The following CRISPLD2 variants were observed in gnomAD, a reference collection of about 807,000 sequenced individuals.
The protein encoded by CRISPLD2 is cysteine rich secretory protein LCCL domain containing 2.
Under a neutral mutation model 71.1 loss-of-function variants are expected in CRISPLD2, and 47 were observed. The observed-to-expected ratio is 0.66, with a 90% CI of 0.52 to 0.84. The LOEUF is 0.84. Among genes scored for constraint, CRISPLD2 ranks in the 40% least tolerant of loss-of-function variants. The pLI, the probability that CRISPLD2 is intolerant of heterozygous loss-of-function variation, is 0.00. For missense variants in CRISPLD2, 830 were observed against 651.1 expected (o/e 1.27, Z -2.99); for synonymous variants, 317 against 250.1 (o/e 1.27, Z -2.52).
chr16:84,882,378 A>G (rs2071576615), intron 13 of CRISPLD2, among the ~76,000 whole-genome samples: 1 of 147,764 alleles, frequency 6.8e-6, no homozygotes, highest in Admixed American at 6.8e-5. Flanking sequence ...AAAAGCAAGA[A>G]CTTAATGGAT....
chr16:84,860,319 C>T (rs1351010832), intron 6 of CRISPLD2, among the ~76,000 whole-genome samples: 1 of 152,154 alleles, frequency 6.6e-6, no homozygotes, highest in Non-Finnish European at 1.5e-5. Context: ...TATCCTACAC[C>T]CTTAATATCC....
At chr16:84,867,882 G>A (rs996677460) in intron 7 of CRISPLD2, among the ~76,000 whole-genome samples, 2 of 152,072 alleles carry the variant, frequency 1.3e-5, no homozygotes, top group Admixed American at 1.3e-4. Flanking sequence ...TGCCTTCACC[G>A]CCCCAGGGTG....
chr16:84,881,000 C>A (rs941889387), intron 13 of CRISPLD2, among the ~76,000 whole-genome samples: 7 of 152,108 alleles, frequency 4.6e-5, no homozygotes, highest in Non-Finnish European at 7.4e-5. Flanking sequence ...TCCCCACACC[C>A]GGCCAACCTC....
At chr16:84,855,188 C>G (rs1453796267) in intron 6 of CRISPLD2, among the ~76,000 whole-genome samples, 1 of 152,188 alleles carries the variant, frequency 6.6e-6, no homozygotes, top group Non-Finnish European at 1.5e-5. Context: ...GTGGCTCACA[C>G]CTGTAATCCC....
At chr16:84,860,018 T>A (rs1404894730) in intron 6 of CRISPLD2, among the ~76,000 whole-genome samples, 2 of 152,156 alleles carry the variant, frequency 1.3e-5, no homozygotes, top group Non-Finnish European at 2.9e-5. Flanking sequence ...TCTTCTGGAT[T>A]CTCCCAGCTG....
intron 1 of CRISPLD2, among the ~76,000 whole-genome samples, chr16:84,820,572 G>A (rs1916208525): frequency 6.6e-6 from 1 of 152,198 alleles, no homozygotes; most frequent in African/African-American, 2.4e-5. Context: ...AGTGGCATGT[G>A]CATTCAGCTG....
intron 2 of CRISPLD2, among the ~76,000 whole-genome samples, chr16:84,843,927 G>T (rs1394601165): frequency 6.6e-6 from 1 of 152,360 alleles, no homozygotes; most frequent in Middle Eastern, 3.4e-3. Flanking sequence ...AGAGGGAAGT[G>T]AGGCATGCGG....
chr16:84,851,207 CAT>C (rs1168041337), intron 5 of CRISPLD2, among the ~76,000 whole-genome samples: 1 of 152,222 alleles, frequency 6.6e-6, no homozygotes, highest in Admixed American at 6.5e-5. Flanking sequence ...CTAGAAAACA[CAT>C]GTTCACACAA....
Position 84,872,538 on chromosome 16 carries a change from C to G in CRISPLD2, c.981+30C>G, listed in dbSNP as rs188468122. 220 of 1,571,264 alleles carry G rather than the reference C, an allele frequency of 1.4e-4. No individual in the cohort carries two copies. In the African/African-American group the frequency reaches 2.8e-3, roughly 20 times the overall value. ...GTGTGGCCAGTCCTCCTCTCAATGG[C>G]TTGTGTGGGATCCTGTTGCATATGT... On this transcript the variant is annotated intron_variant, in intron 9 of 14. Transcript: ENST00000262424.
At chr16:84,841,212 C>T (rs1002644185) in intron 2 of CRISPLD2, among the ~76,000 whole-genome samples, 4 of 152,156 alleles carry the variant, frequency 2.6e-5, no homozygotes, top group Admixed American at 6.5e-5. Flanking sequence ...GCCCACTCTG[C>T]GGAGGAGCCA....
In CRISPLD2 at chr16:84,880,580, C is replaced by A. The variant is rs35711987; in HGVS notation, c.1301C>A (p.Ala434Glu). ...WAPVFGTNIYADTSSICKTAV... is the reference protein window; with the variant it reads ...WAPVFGTNIYEDTSSICKTAV... ...CCGGTGTTTGGAACCAACATCTATG[C>A]AGATGTGAGTAGGATGCATTTTCAA... Residue 434 changes from alanine (A) to glutamate (E), a missense_variant, in exon 13 of 15, where the codon GCA becomes GAA. By Grantham distance (107) the Ala-to-Glu change is moderately radical (BLOSUM62 -1). Coordinates refer to ENST00000262424, the MANE Select transcript of CRISPLD2 (RefSeq NM_031476.4). 1 of 1,612,108 alleles carries A rather than the reference C, an allele frequency of 6.2e-7. No homozygotes were observed. The highest frequency in any genetic ancestry group is 1.3e-5 in the African/African-American group (1 of 74,874).
intron 1 of CRISPLD2, among the ~76,000 whole-genome samples, chr16:84,827,558 CTTTT>C (rs571068599): frequency 7.4e-6 from 1 of 135,908 alleles, no homozygotes; most frequent in African/African-American, 2.8e-5. Flanking sequence ...AGTGCCCTTT[CTTTT>C]TTTTTTTTTT....
rs746949273 is a variant in CRISPLD2, at chr16:84,889,299, G to A, written c.1375G>A (p.Val459Met). The A allele has an allele frequency of 9.3e-6, 15 of 1,614,006 alleles. No individual in the cohort carries two copies. Among genetic ancestry groups the A allele is most frequent in the African/African-American group, 5.3e-5 (4 of 74,918 alleles). The change falls in exon 14 of 15, where the codon GTG (valine) becomes ATG (methionine). Residue 459 changes from valine to methionine, a missense_variant. Transcript: ENST00000262424. ...ISNESGGDVD[V>M]MPVDKKKTYV... ...CAACGAGAGTGGGGGTGACGTGGAC[G>A]TGATGCCCGTGGATAAAAAGAAGAC... is the stretch of plus-strand genomic sequence containing the variant.
rs1917188846 is a variant in CRISPLD2 at position 84,854,756 on chromosome 16, C to T, written c.636C>T (p.Tyr212=). ...GGAACTGGATTGGAGAAGCCCCCTA[C>T]AAGAATGGCCGGCCCTGCTCTGAGT... ...PKGNWIGEAP[Y]KNGRPCSECP... is the part of the protein sequence containing the mutation. The change falls in exon 6 of 15, where the codon TAC becomes TAT. Residue 212 remains tyrosine (Y), a synonymous_variant. Coordinates refer to ENST00000262424, the MANE Select transcript of CRISPLD2 (RefSeq NM_031476.4). 1.9e-6 allele frequency: 3 copies of T among 1,614,042 alleles called. No homozygotes were observed. Among genetic ancestry groups the T allele is most frequent in the Non-Finnish European group, 2.5e-6 (3 of 1,180,006 alleles).
intron 1 of CRISPLD2, chr16:84,836,564 G>T (rs1264934514): frequency 6.6e-6 from 1 of 152,192 alleles, no homozygotes; most frequent in Non-Finnish European, 1.5e-5. Flanking sequence ...TGAGGCGCAG[G>T]CTCAGTCAGG....
intron 11 of CRISPLD2, among the ~76,000 whole-genome samples, chr16:84,876,119 C>T (rs2071516218): frequency 6.6e-6 from 1 of 152,218 alleles, no homozygotes; most frequent in Admixed American, 6.5e-5. Context: ...TCTATAGCTC[C>T]TCTCTGCTAC....
At chr16:84,876,075 T>C (rs114348604) in intron 11 of CRISPLD2, among the ~76,000 whole-genome samples, 1,963 of 152,304 alleles carry the variant, frequency 0.013, 36 homozygotes, top group African/African-American at 0.045. Context: ...TAAATAAAGT[T>C]TTATTGGAAC....
Position 84,882,369 on chromosome 16 carries a change from A to AG in CRISPLD2, c.1305+1785_1305+1786insG, listed in dbSNP as rs1196261166. 9.5e-3 allele frequency among the ~76,000 whole-genome samples: 1,336 copies of AG among 140,352 alleles called. 25 individuals carry two copies. Among genetic ancestry groups the AG allele is most frequent in the African/African-American group, 0.032 (1,149 of 36,318 alleles). 92.1% of individuals were successfully genotyped at this position (140,352 alleles called of 152,430 possible). ...AAGCAAAAAAAAAAAAAAAAAAAAAAAAGCAAGAACTTAATGGATATTTGC... is the reference window on the plus strand; with the variant it reads ...AAGCAAAAAAAAAAAAAAAAAAAAAAGAAGCAAGAACTTAATGGATATTTGC... On this transcript the variant is annotated intron_variant, in intron 13 of 14. Transcript: ENST00000262424.
At chr16:84,901,630 C>G (rs752456799) in intron 14 of CRISPLD2, among the ~76,000 whole-genome samples, 2 of 150,498 alleles carry the variant, frequency 1.3e-5, no homozygotes, top group Admixed American at 6.7e-5. Context: ...TGCCACCATA[C>G]CCAGCTAATT....
Sources: gnomAD v4.1 joint callset for allele counts (sites outside exome capture counted in the v4.1 genomes callset) on GRCh38, gnomAD v4.1.1 for gene constraint, MANE v1.5 for transcripts, NCBI Gene and HGNC (gene_info 2026-07-23, HGNC 2026-07-21) for gene names.